DYSF: variants seen among roughly 807,000 people sequenced by gnomAD.
The protein encoded by DYSF is dysferlin.
DYSF carries 212 observed loss-of-function variants against 274.9 expected under a neutral mutation model. The observed-to-expected ratio is 0.77, with a 90% confidence interval of 0.69 to 0.86. DYSF has a LOEUF of 0.86. Among genes scored for constraint, DYSF ranks in the 40% least tolerant of loss-of-function variants. The probability of loss-of-function intolerance (pLI) is 0.00; values close to 1 mark genes in which losing one functional copy is unlikely to be tolerated. For missense variants in DYSF, 2,666 were observed against 2,783.2 expected (o/e 0.96, Z 0.95); for synonymous variants, 1,091 against 1,078.7 (o/e 1.01, Z -0.22).
At chr2:71,589,405 C>T (rs749619799) in intron 30 of DYSF, among the ~76,000 whole-genome samples, 188 bp from the exon 31 acceptor site, 5 of 152,186 alleles carry the variant, frequency 3.3e-5, no homozygotes, top group Non-Finnish European at 7.3e-5. Context: ...TCCTTTGGTG[C>T]TTTGACATTG....
intron 3 of DYSF, among the ~76,000 whole-genome samples, chr2:71,500,741 G>C (rs1203163407): frequency 2.0e-5 from 3 of 152,070 alleles, no homozygotes; most frequent in Admixed American, 2.0e-4. Context: ...TGGAGCTCCA[G>C]CTGCCATGTA....
At chr2:71,510,229 G>T (rs2085947118) in intron 4 of DYSF, among the ~76,000 whole-genome samples, 1 of 152,214 alleles carries the variant, frequency 6.6e-6, no homozygotes, top group Non-Finnish European at 1.5e-5. Context: ...TGAAGTGGAA[G>T]AAAGTCCCAG....
intron 3 of DYSF, among the ~76,000 whole-genome samples, chr2:71,495,763 G>A (rs1441213443): frequency 1.3e-5 from 2 of 152,032 alleles, no homozygotes; most frequent in Non-Finnish European, 1.5e-5. Context: ...AGCTTAAACC[G>A]CCACTGACAT....
chr2:71,573,360 T>C (rs1235295968), intron 29 of DYSF, among the ~76,000 whole-genome samples: 1 of 152,038 alleles, frequency 6.6e-6, no homozygotes, highest in Non-Finnish European at 1.5e-5. Flanking sequence ...TCCTGGAGAG[T>C]GGCACAGCTG....
At chr2:71,552,964 C>T in intron 19 of DYSF, 47 bp from the exon 20 acceptor site, 2 of 1,609,770 alleles carry the variant, frequency 1.2e-6, no homozygotes, top group Non-Finnish European at 1.7e-6. Flanking sequence ...GCCTGGGTGC[C>T]TTTCTTTGCT....
chr2:71,611,764 G>C, intron 38 of DYSF, 138 bp downstream of exon 38: 1 of 1,178,904 alleles, frequency 8.5e-7, no homozygotes, highest in Non-Finnish European at 1.2e-6. Flanking sequence ...TGAACATGGG[G>C]AGAAATGCTC....
intron 16 of DYSF, 128 bp downstream of exon 16, chr2:71,535,439 C>A (rs2089232473): frequency 2.0e-6 from 2 of 1,009,526 alleles, no homozygotes; most frequent in Non-Finnish European, 3.2e-6. Context: ...GTAATGTCCC[C>A]TTGGGGTAGC....
intron 6 of DYSF, 110 bp downstream of exon 6, chr2:71,513,442 G>A: frequency 8.4e-7 from 1 of 1,193,860 alleles, no homozygotes; most frequent in Non-Finnish European, 1.2e-6. Flanking sequence ...GACTCCTCCT[G>A]CAGGACTTGG....
At chr2:71,654,905 C>G (rs890218023) in intron 42 of DYSF, among the ~76,000 whole-genome samples, 1 of 152,024 alleles carries the variant, frequency 6.6e-6, no homozygotes, top group African/African-American at 2.4e-5. Flanking sequence ...ATGGCCAGAA[C>G]TCATCTCTAC....
At chr2:71,526,402 T>TGGGGGGGGGGGGGGGGG in intron 13 of DYSF, 56 bp downstream of exon 13, 1 of 520,750 alleles carries the variant, frequency 1.9e-6, no homozygotes, top group Non-Finnish European at 2.7e-6. Flanking sequence ...GGCGCAGGGC[T>TGGGGGGGGGGGGGGGGG]GGTGGGGGTG....
At chr2:71,636,155 G>A (rs1178473647) in intron 41 of DYSF, among the ~76,000 whole-genome samples, 1 of 152,120 alleles carries the variant, frequency 6.6e-6, no homozygotes, top group Non-Finnish European at 1.5e-5. Context: ...GAGGTGTGAG[G>A]GCTCGATCAC....
intron 12 of DYSF, among the ~76,000 whole-genome samples, chr2:71,523,494 C>T (rs1317760196): frequency 6.6e-6 from 1 of 151,910 alleles, no homozygotes; most frequent in Non-Finnish European, 1.5e-5. Flanking sequence ...CTGAGGTCTC[C>T]TAACTTCTTA....
intron 38 of DYSF, among the ~76,000 whole-genome samples, chr2:71,612,004 C>T (rs532605048): frequency 1.3e-5 from 2 of 152,314 alleles, no homozygotes; most frequent in East Asian, 3.9e-4. Context: ...CAGCCTGGGC[C>T]CCCTCAAAGG....
chr2:71,684,485 G>A lies in DYSF; in HGVS notation c.6321+1808G>A, dbSNP rs1445567843. Among the ~76,000 whole-genome samples the A allele has an allele frequency of 6.6e-5, 10 of 152,336 alleles. No homozygotes were observed. In the East Asian group the frequency reaches 1.7e-3, roughly 26 times the overall value. On this transcript the variant is annotated intron_variant, in intron 55 of 55. Transcript: ENST00000410020. Reference sequence around the variant, plus strand: ...GGTAAGGGCGTGTTTTGGGGATGAGGGAGAAGAGGATGAGGCCTCATGCCA... The same window carrying A: ...GGTAAGGGCGTGTTTTGGGGATGAGAGAGAAGAGGATGAGGCCTCATGCCA...
chr2:71,549,419 C>A (rs1489188078), intron 17 of DYSF: 1 of 1,607,746 alleles, frequency 6.2e-7, no homozygotes, highest in Non-Finnish European at 8.5e-7. Context: ...TGGGGACAAC[C>A]AGGGGAGTGG....
At chr2:71,568,365 G>A (rs756980483) in intron 26 of DYSF, 27 bp downstream of exon 26, 150 of 1,612,410 alleles carry the variant, frequency 9.3e-5, no homozygotes, top group Non-Finnish European at 1.2e-4. Context: ...GAGGGCTGGG[G>A]AGAGCCAGGC....
At position 71,551,611 on chromosome 2, in the gene DYSF, A is replaced by G; in HGVS notation, c.1697A>G (p.Glu566Gly). The change falls in exon 19 of 56, where the codon GAA becomes GGA. Residue 566 changes from glutamate (E) to glycine (G), a missense_variant. By Grantham distance (98) the Glu-to-Gly change is moderately conservative. This residue lies in a region of DYSF where 794 missense variants were observed against 777.1 expected (regional missense o/e 1.02). Coordinates refer to ENST00000410020, the MANE Select transcript of DYSF (RefSeq NM_001130987.2). ...PYTELNTGKG[E>G]GVAYRGRLLL... ...GTGACCTGACCTCCCTGGCAGGGGG[A>G]AGGTGTGGCTTATCGTGGCCGGCTT... The G allele has an allele frequency of 6.2e-7, 1 of 1,604,410 alleles. No homozygotes were observed.
chr2:71,539,057 G>GC, intron 16 of DYSF, 100 bp from the exon 17 acceptor site: 1 of 1,020,242 alleles, frequency 9.8e-7, no homozygotes, highest in Non-Finnish European at 1.5e-6. Context: ...CCTGCCCCCC[G>GC]CCCCCCTGTG....
At chr2:71,618,302 GGTGGT>G (rs2093972465) in intron 40 of DYSF, among the ~76,000 whole-genome samples, 4 of 118,900 alleles carry the variant, frequency 3.4e-5, no homozygotes, top group East Asian at 2.7e-4. Flanking sequence ...GTGTGGTAGA[GGTGGT>G]GTGTGTGTGT....
Sources: gnomAD v4.1 joint callset for allele counts (sites outside exome capture counted in the v4.1 genomes callset) on GRCh38, gnomAD v4.1.1 for gene constraint, gnomAD v4.1.1 regional missense constraint, MANE v1.5 for transcripts, NCBI Gene and HGNC (gene_info 2026-07-23, HGNC 2026-07-21) for gene names.